The following GLIS3 variants were observed in gnomAD, a reference collection of about 807,000 sequenced individuals.
GLIS3 encodes GLIS family zinc finger 3.
A neutral mutation model predicts 78.6 loss-of-function variants in GLIS3; 53 were observed. The ratio of observed to expected loss-of-function variants is 0.67; its 90% confidence interval spans 0.54 to 0.85. The LOEUF (loss-of-function observed/expected upper bound fraction) is 0.85. GLIS3 is among the 40% of genes least tolerant of loss of function. The probability of loss-of-function intolerance (pLI) is 0.00; values close to 1 mark genes in which losing one functional copy is unlikely to be tolerated. For synonymous variants in GLIS3, 684 were observed against 509.9 expected (o/e 1.34, Z -4.60); for missense variants, 1,703 against 1,231.1 (o/e 1.38, Z -5.74).
intron 1 of GLIS3, among the ~76,000 whole-genome samples, chr9:4,347,633 T>C (rs961616026): frequency 3.9e-5 from 6 of 152,202 alleles, no homozygotes; most frequent in African/African-American, 1.2e-4. Flanking sequence ...TCACTAATAA[T>C]AGTCATCTTT....
chr9:3,956,198 A>G (rs1285861761), intron 4 of GLIS3, among the ~76,000 whole-genome samples: 4 of 151,844 alleles, frequency 2.6e-5, no homozygotes, highest in African/African-American at 9.7e-5. Flanking sequence ...AAAAAAAATC[A>G]CCTCCAACAG....
chr9:4,234,096 A>G (rs1822506260), intron 2 of GLIS3, among the ~76,000 whole-genome samples: 1 of 151,772 alleles, frequency 6.6e-6, no homozygotes. Flanking sequence ...ATGACTGTCC[A>G]TCCAGACCAC....
chr9:4,408,203 T>C, the GLIS3 span, among the ~76,000 whole-genome samples: 1 of 152,204 alleles, frequency 6.6e-6, no homozygotes, highest in East Asian at 1.9e-4. Flanking sequence ...GAGAACAGCA[T>C]GGAGGTTCCC....
intron 2 of GLIS3, among the ~76,000 whole-genome samples, chr9:4,284,844 G>A (rs1258393634): frequency 6.6e-6 from 1 of 152,118 alleles, no homozygotes; most frequent in African/African-American, 2.4e-5. Flanking sequence ...CTTGAACCCA[G>A]GAGGATGAGG....
At chr9:4,114,050 C>A (rs1252139723) in intron 4 of GLIS3, among the ~76,000 whole-genome samples, 1 of 152,092 alleles carries the variant, frequency 6.6e-6, no homozygotes, top group Non-Finnish European at 1.5e-5. Flanking sequence ...TACCAGCACT[C>A]CCCAACCTGC....
intron 2 of GLIS3, among the ~76,000 whole-genome samples, chr9:4,127,603 A>T (rs1181266874): frequency 6.6e-6 from 1 of 152,130 alleles, no homozygotes; most frequent in Non-Finnish European, 1.5e-5. Flanking sequence ...TCAATAAGCT[A>T]CATGCATTAG....
intron 4 of GLIS3, among the ~76,000 whole-genome samples, chr9:4,016,545 C>T (rs1237294329): frequency 6.6e-6 from 1 of 152,172 alleles, no homozygotes; most frequent in South Asian, 2.1e-4. Context: ...TGTGAGGTGA[C>T]AGAGAGGTTC....
chr9:4,349,592 C>G (rs1399254188), upstream of GLIS3, among the ~76,000 whole-genome samples: 7 of 152,054 alleles, frequency 4.6e-5, no homozygotes. Context: ...ATTTAGATTG[C>G]ATTTACTTAG....
At chr9:3,957,709 G>C (rs1393349854) in intron 4 of GLIS3, among the ~76,000 whole-genome samples, 1 of 152,220 alleles carries the variant, frequency 6.6e-6, no homozygotes, top group East Asian at 1.9e-4. Context: ...ACTTCTTGGT[G>C]AGGTTTCTTT....
chr9:4,117,810 G>A lies in GLIS3; in HGVS notation c.1668C>T (p.Ile556=), dbSNP rs767781838. The A allele has an allele frequency of 1.2e-6, 2 of 1,614,172 alleles. No homozygotes were observed. Among genetic ancestry groups the A allele is most frequent in the Non-Finnish European group, 1.7e-6 (2 of 1,180,028 alleles). The change falls in exon 4 of 11, where the codon ATC becomes ATT. Residue 556 remains isoleucine (I), a synonymous_variant. Coordinates refer to ENST00000381971, the MANE Select transcript of GLIS3 (RefSeq NM_001042413.2). ...TCTCCCCAGAGTGGACTCTCATGTG[G>A]ATCAGCAGTTTATAGCGGGCGTTGA... ...KPFNARYKLL[I]HMRVHSGEKP...
At chr9:4,224,028 A>G (rs2131341012) in intron 2 of GLIS3, among the ~76,000 whole-genome samples, 1 of 152,202 alleles carries the variant, frequency 6.6e-6, no homozygotes, top group Non-Finnish European at 1.5e-5. Context: ...ACCAGAGTAA[A>G]CTGCTAAACT....
At chr9:4,279,694 T>C (rs1290338388) in intron 2 of GLIS3, among the ~76,000 whole-genome samples, 1 of 1,500 alleles carries the variant, frequency 6.7e-4, no homozygotes, top group Non-Finnish European at 1.4e-3. Flanking sequence ...GCTTGTTTGG[T>C]CAGTCGGTTT....
At chr9:3,998,432 T>C (rs984808354) in intron 4 of GLIS3, among the ~76,000 whole-genome samples, 6 of 152,102 alleles carry the variant, frequency 3.9e-5, no homozygotes, top group Non-Finnish European at 7.4e-5. Context: ...ACCTCTTTTA[T>C]AGTAAAAATT....
intron 4 of GLIS3, among the ~76,000 whole-genome samples, chr9:4,021,379 ATCCT>A (rs1292663145): frequency 6.6e-6 from 1 of 152,204 alleles, no homozygotes; most frequent in Non-Finnish European, 1.5e-5. Context: ...TGCAAAACCT[ATCCT>A]AATCAAACTT....
chr9:4,235,620 C>T (rs140712801), intron 2 of GLIS3, among the ~76,000 whole-genome samples: 318 of 152,182 alleles, frequency 2.1e-3, no homozygotes, highest in African/African-American at 7.2e-3. Flanking sequence ...CCTGTCTGTC[C>T]TCTTTGGAAC....
At chr9:4,320,038 A>G (rs930004475) in intron 2 of GLIS3, among the ~76,000 whole-genome samples, 13 of 151,078 alleles carry the variant, frequency 8.6e-5, no homozygotes, top group Non-Finnish European at 1.8e-4. Flanking sequence ...CGCGCACAAG[A>G]GTCAAATTAG....
the GLIS3 span, among the ~76,000 whole-genome samples, chr9:4,393,495 T>G: frequency 2.0e-5 from 3 of 152,236 alleles, no homozygotes; most frequent in African/African-American, 7.2e-5. Context: ...TAATATCTTT[T>G]CTAACCATTT....
chr9:4,325,394 G>C (rs906198248), intron 2 of GLIS3, among the ~76,000 whole-genome samples: 4 of 150,756 alleles, frequency 2.7e-5, no homozygotes, highest in South Asian at 2.1e-4. Flanking sequence ...AAACATGAAA[G>C]AAAGAAAGGT....
the GLIS3 span, among the ~76,000 whole-genome samples, chr9:4,437,625 G>C: frequency 6.6e-6 from 1 of 152,142 alleles, no homozygotes; most frequent in Non-Finnish European, 1.5e-5. Context: ...GGCTTGAAGA[G>C]CCTAGGTCTA....
Sources: allele counts gnomAD v4.1 joint callset (sites outside exome capture counted in the v4.1 genomes callset), GRCh38; gene constraint gnomAD v4.1.1; transcripts MANE v1.5; gene names NCBI Gene and HGNC (gene_info 2026-07-23, HGNC 2026-07-21).